KIF5A: variants seen among roughly 807,000 people sequenced by gnomAD.
KIF5A encodes kinesin heavy chain isoform 5A.
KIF5A carries 35 observed loss-of-function variants against 141.3 expected under a neutral mutation model. The observed-to-expected ratio is 0.25, with a 90% CI of 0.19 to 0.33. The LOEUF is 0.33. Ranked by LOEUF, KIF5A falls within the 10% of genes least tolerant of loss-of-function variation. KIF5A has a pLI of 1.00. For missense variants in KIF5A, 861 were observed against 1,314.3 expected (o/e 0.66, Z 5.33); for synonymous variants, 448 against 500.2 (o/e 0.90, Z 1.39).
In KIF5A at chr12:57,576,082, C is replaced by T; in HGVS notation, c.2024-5C>T. 5 of 1,614,074 alleles carry T rather than the reference C, an allele frequency of 3.1e-6. No homozygotes were observed. Among genetic ancestry groups the T allele is most frequent in the Non-Finnish European group, 4.2e-6 (5 of 1,179,948 alleles). On this transcript the variant is annotated splice_region_variant and splice_polypyrimidine_tract_variant and intron_variant, in intron 17 of 28. Coordinates refer to ENST00000455537, the MANE Select transcript of KIF5A (RefSeq NM_004984.4). ...ATGTCAGCTGTCTTCCCCTCTTTCC[C>T]TTAGAAACTGTGCATGAAGTGGCCC...
rs1420700116 is a variant in KIF5A at position 57,571,408 on chromosome 12, G to A, written c.1362+19G>A. The A allele has an allele frequency of 2.5e-6, 4 of 1,612,866 alleles. No homozygotes were observed. Among genetic ancestry groups the A allele is most frequent in the Non-Finnish European group, 3.4e-6 (4 of 1,179,220 alleles). ...GGAAGAGGTAATAGGAGGGAGGGCA[G>A]GACATGAGAGGAAAGGGGTTCTGTT... On this transcript the variant is annotated intron_variant, in intron 13 of 28. Coordinates refer to ENST00000455537, the MANE Select transcript of KIF5A (RefSeq NM_004984.4).
At chr12:57,559,232 C>T (rs1176950580) in intron 1 of KIF5A, among the ~76,000 whole-genome samples, 20 of 152,126 alleles carry the variant, frequency 1.3e-4, no homozygotes, top group African/African-American at 2.4e-5. Flanking sequence ...ATAAATTTTT[C>T]GAAGTGGAGG....
At chr12:57,577,648 G>A in intron 20 of KIF5A, 65 bp from the exon 21 acceptor site, 2 of 1,191,086 alleles carry the variant, frequency 1.7e-6, no homozygotes, top group Non-Finnish European at 2.5e-6. Context: ...AAGTAATAGA[G>A]GAAGAGGCAG....
intron 15 of KIF5A, among the ~76,000 whole-genome samples, chr12:57,574,641 G>T (rs549069930): frequency 6.6e-6 from 1 of 150,984 alleles, no homozygotes; most frequent in East Asian, 1.9e-4. Flanking sequence ...GAGTCCAGTG[G>T]TGTGATCTCG....
At position 57,556,323 on chromosome 12, in the gene KIF5A, G is replaced by A. The variant is rs376640478; in HGVS notation, c.129+5923G>A. ...CCGGCTAATTTTTTGTATTTTTAGT[G>A]GAGACGGGGTTTCACCGTGTTAGCC... On this transcript the variant is annotated intron_variant, in intron 1 of 28. Coordinates refer to ENST00000455537, the MANE Select transcript of KIF5A (RefSeq NM_004984.4). Among the ~76,000 whole-genome samples the A allele has an allele frequency of 4.6e-5, 7 of 151,744 alleles. No individual in the cohort carries two copies. In the East Asian group the frequency reaches 1.4e-3, roughly 30 times the overall value.
chr12:57,567,654 C>G, intron 8 of KIF5A, 36 bp downstream of exon 8: 1 of 1,553,202 alleles, frequency 6.4e-7, no homozygotes, highest in Non-Finnish European at 8.7e-7. Flanking sequence ...GGGTGGAAGC[C>G]TTGGCTCTTT....
chr12:57,558,864 C>G (rs1374756914), intron 1 of KIF5A, among the ~76,000 whole-genome samples: 4 of 152,162 alleles, frequency 2.6e-5, no homozygotes, highest in African/African-American at 7.2e-5. Flanking sequence ...CAACCTTCAC[C>G]TTCGAGGCTC....
At chr12:57,563,332 G>A in intron 1 of KIF5A, 107 bp from the exon 2 acceptor site, 1 of 789,526 alleles carries the variant, frequency 1.3e-6, no homozygotes, top group Non-Finnish European at 2.2e-6. Context: ...TTCATTAAGG[G>A]CATTGAAGAA....
intron 23 of KIF5A, 82 bp from the exon 24 acceptor site, chr12:57,580,874 C>T (rs1301721068): frequency 1.3e-5 from 16 of 1,266,274 alleles, no homozygotes; most frequent in Non-Finnish European, 1.7e-5. Flanking sequence ...CTCTCCTCAC[C>T]CCTGTCCCCT....
intron 7 of KIF5A, 77 bp from the exon 8 acceptor site, chr12:57,567,415 TGG>T (rs1882098828): frequency 9.0e-7 from 1 of 1,107,612 alleles, no homozygotes; most frequent in African/African-American, 2.0e-5. Flanking sequence ...TGGGCGGGGC[TGG>T]GGTCAGTGGA....
chr12:57,582,078 TAAA>T, intron 26 of KIF5A, 126 bp downstream of exon 26: 1 of 642,148 alleles, frequency 1.6e-6, no homozygotes, highest in Non-Finnish European at 2.7e-6. Context: ...AGGCTTCAAA[TAAA>T]AAAAAAAATA....
chr12:57,575,843 C>CA lies in KIF5A; in HGVS notation c.2023+89dup, dbSNP rs929670440. The CA allele has an allele frequency of 2.8e-6, 3 of 1,063,162 alleles. No individual in the cohort carries two copies. In the African/African-American group the frequency reaches 4.7e-5, roughly 17 times the overall value. 65.9% of individuals were successfully genotyped at this position (1,063,162 alleles called of 1,614,324 possible). On this transcript the variant is annotated intron_variant, in intron 17 of 28. Coordinates refer to ENST00000455537, the MANE Select transcript of KIF5A (RefSeq NM_004984.4). ...TAAATCACCCCAATAATCACTCACT[C>CA]AAAGCATTAGCTTGAAATCATGGAT...
chr12:57,563,038 C>T (rs185476249), intron 1 of KIF5A, among the ~76,000 whole-genome samples: 9 of 149,608 alleles, frequency 6.0e-5, no homozygotes, highest in East Asian at 3.9e-4. Context: ...GATGGAGTCT[C>T]GCTCTATCGC....
At chr12:57,573,051 C>T (rs529628402) in intron 15 of KIF5A, among the ~76,000 whole-genome samples, 3 of 152,194 alleles carry the variant, frequency 2.0e-5, no homozygotes, top group East Asian at 1.9e-4. Context: ...ATTAGCCAGG[C>T]GTGGTGATGT....
At chr12:57,583,022 A>G (rs1335804906) in intron 27 of KIF5A, 79 bp from the exon 28 acceptor site, 22 of 1,175,682 alleles carry the variant, frequency 1.9e-5, no homozygotes, top group Non-Finnish European at 2.8e-5. Flanking sequence ...TCACAGGGAC[A>G]CTCTCAGAGC....
chr12:57,564,339 A>T (rs1045206952), intron 4 of KIF5A, 121 bp from the exon 5 acceptor site: 2 of 1,083,176 alleles, frequency 1.8e-6, no homozygotes, highest in Non-Finnish European at 2.9e-6. Context: ...CTTTGTCAAG[A>T]TGTTCTCTTC....
intron 23 of KIF5A, among the ~76,000 whole-genome samples, chr12:57,580,014 C>T (rs1460514225): frequency 6.6e-6 from 1 of 152,224 alleles, no homozygotes; most frequent in African/African-American, 2.4e-5. Context: ...TTAAGAGAAT[C>T]TTAACAGCCA....
At chr12:57,575,843 C>A in intron 17 of KIF5A, 86 bp downstream of exon 17, 1 of 1,063,276 alleles carries the variant, frequency 9.4e-7, no homozygotes, top group Non-Finnish European at 1.5e-6. Context: ...ATCACTCACT[C>A]AAAGCATTAG....
At chr12:57,556,278 A>T (rs1211451372) in intron 1 of KIF5A, among the ~76,000 whole-genome samples, 2 of 151,918 alleles carry the variant, frequency 1.3e-5, no homozygotes, top group Admixed American at 1.3e-4. Context: ...AGCTGGGACT[A>T]CAGGCGCCTG....
Sources: gnomAD v4.1 joint callset for allele counts (sites outside exome capture counted in the v4.1 genomes callset) on GRCh38, gnomAD v4.1.1 for gene constraint, MANE v1.5 for transcripts, NCBI Gene and HGNC (gene_info 2026-07-23, HGNC 2026-07-21) for gene names.